The following LGR5 variants were observed in gnomAD, a reference collection of about 807,000 sequenced individuals.
The protein encoded by LGR5 is leucine-rich repeat-containing G protein-coupled receptor 5.
A neutral mutation model predicts 76.7 loss-of-function variants in LGR5; 54 were observed. That is an observed-to-expected ratio of 0.70 (90% CI 0.57 to 0.88). LGR5 has a LOEUF of 0.88. Among genes scored for constraint, LGR5 ranks in the 40% least tolerant of loss-of-function variants. The pLI, the probability that LGR5 is intolerant of heterozygous loss-of-function variation, is 0.00. For missense variants in LGR5, 1,078 were observed against 1,073.3 expected, an observed-to-expected ratio of 1.00 and a Z score of -0.06; for synonymous variants, 406 against 421.9, an observed-to-expected ratio of 0.96 and a Z score of 0.46.
intron 4 of LGR5, among the ~76,000 whole-genome samples, chr12:71,544,872 A>G (rs1476305409): frequency 6.6e-6 from 1 of 152,240 alleles, no homozygotes; most frequent in Non-Finnish European, 1.5e-5. Context: ...AATGAACTAT[A>G]TTGCTGTGGT....
intron 7 of LGR5, among the ~76,000 whole-genome samples, chr12:71,561,563 T>A (rs957620971): frequency 1.3e-5 from 2 of 152,248 alleles, no homozygotes; most frequent in African/African-American, 4.8e-5. Flanking sequence ...GTTATTATTT[T>A]CAGATTCTTT....
rs2137486611 is a variant in LGR5, at chr12:71,584,221, C to T, written c.2211C>T (p.Phe737=). The T allele has an allele frequency of 6.2e-7, 1 of 1,614,134 alleles. No homozygotes were observed. The highest frequency in any genetic ancestry group is 1.3e-5 in the African/African-American group (1 of 75,028). The change falls in exon 18 of 18, where the codon TTC becomes TTT. Residue 737 remains phenylalanine, a synonymous_variant. Coordinates refer to ENST00000266674, the MANE Select transcript of LGR5 (RefSeq NM_003667.4). ...VALILLNSLC[F]LMMTIAYTKL... ...TCATCTTGCTCAATTCCCTTTGCTTCCTCATGATGACCATTGCCTACACCA... is the reference window on the plus strand; with the variant it reads ...TCATCTTGCTCAATTCCCTTTGCTTTCTCATGATGACCATTGCCTACACCA...
At chr12:71,478,033 C>G (rs1162229409) in intron 1 of LGR5, among the ~76,000 whole-genome samples, 2 of 152,012 alleles carry the variant, frequency 1.3e-5, no homozygotes, top group South Asian at 2.1e-4. Flanking sequence ...TTTGAGATAT[C>G]CTCATTTTTT....
chr12:71,443,260 A>G (rs1219917009), intron 1 of LGR5, among the ~76,000 whole-genome samples: 1 of 152,240 alleles, frequency 6.6e-6, no homozygotes, highest in Non-Finnish European at 1.5e-5. Flanking sequence ...ACAGAATGCA[A>G]ACACTATTTA....
intron 1 of LGR5, among the ~76,000 whole-genome samples, chr12:71,485,771 T>C (rs1481044624): frequency 5.3e-5 from 8 of 149,860 alleles, no homozygotes; most frequent in African/African-American, 2.0e-4. Flanking sequence ...CAATTATCTT[T>C]TTTTTTTTTT....
chr12:71,454,537 A>G (rs1228870518), intron 1 of LGR5, among the ~76,000 whole-genome samples: 1 of 152,194 alleles, frequency 6.6e-6, no homozygotes, highest in Admixed American at 6.5e-5. Context: ...AGATGGTAGG[A>G]GGAAAGTGGC....
intron 1 of LGR5, among the ~76,000 whole-genome samples, chr12:71,465,978 T>C (rs1592463990): frequency 6.6e-6 from 1 of 152,208 alleles, no homozygotes; most frequent in African/African-American, 2.4e-5. Flanking sequence ...GCACAATGTC[T>C]AGCACACTGT....
intron 2 of LGR5, among the ~76,000 whole-genome samples, chr12:71,516,162 AT>A (rs987969153): frequency 3.5e-4 from 53 of 151,864 alleles, no homozygotes; most frequent in Middle Eastern, 6.8e-3. Context: ...TGCAAGTGTA[AT>A]TTTTTTTTAA....
intron 11 of LGR5, among the ~76,000 whole-genome samples, chr12:71,569,629 A>C (rs1878510776): frequency 6.6e-6 from 1 of 152,254 alleles, no homozygotes; most frequent in South Asian, 2.1e-4. Context: ...CACCAGTCAG[A>C]ATGGCAATTA....
chr12:71,575,722 A>ATGTGTGTGTGTGTG (rs140264650), intron 13 of LGR5, among the ~76,000 whole-genome samples: 4 of 144,760 alleles, frequency 2.8e-5, no homozygotes, highest in African/African-American at 1.0e-4. Context: ...AAAAATATAT[A>ATGTGTGTGTGTGTG]TGTGTGTGTG....
intron 4 of LGR5, among the ~76,000 whole-genome samples, chr12:71,543,787 G>A (rs1262274219): frequency 1.3e-5 from 2 of 152,166 alleles, no homozygotes; most frequent in African/African-American, 2.4e-5. Flanking sequence ...TAACTAGACA[G>A]TGGAAATGGA....
rs141472970 is a variant in LGR5 at position 71,440,190 on chromosome 12, A to G, written c.110A>G (p.His37Arg). The change falls in exon 1 of 18, where the codon CAC becomes CGC. Residue 37 changes from histidine to arginine, a missense_variant. Coordinates refer to ENST00000266674, the MANE Select transcript of LGR5 (RefSeq NM_003667.4). This position sits in a 1 kb window ranked among gnomAD's most constrained non-coding sequence, Gnocchi z 5.3. ...GTGTTGCTGAGGGGCTGCCCCACAC[A>G]CTGTCATTGCGAGCCCGACGGCAGG... Reference protein sequence around the residue: ...SGVLLRGCPTHCHCEPDGRML... With the variant: ...SGVLLRGCPTRCHCEPDGRML... The G allele has an allele frequency of 5.6e-6, 9 of 1,612,286 alleles. No individual in the cohort carries two copies. The highest frequency in any genetic ancestry group is 3.6e-4 in the Middle Eastern group (2 of 5,502).
At chr12:71,558,434 G>A (rs570945764) in intron 6 of LGR5, among the ~76,000 whole-genome samples, 21 of 152,158 alleles carry the variant, frequency 1.4e-4, no homozygotes, top group Non-Finnish European at 2.4e-4. Context: ...GGCTACAGAG[G>A]ATAAGCAATT....
chr12:71,468,800 A>G (rs1872968314), intron 1 of LGR5, among the ~76,000 whole-genome samples: 1 of 149,732 alleles, frequency 6.7e-6, no homozygotes, highest in Non-Finnish European at 1.5e-5. Context: ...AATTCCTAAA[A>G]CGTGGGGCTC....
At chr12:71,541,661 C>A (rs1876887111) in intron 4 of LGR5, among the ~76,000 whole-genome samples, 1 of 152,172 alleles carries the variant, frequency 6.6e-6, no homozygotes, top group Non-Finnish European at 1.5e-5. Flanking sequence ...CCCATATTTA[C>A]TAAACAGTTT....
intron 13 of LGR5, 131 bp downstream of exon 13, chr12:71,573,052 T>C: frequency 1.6e-6 from 1 of 629,490 alleles, no homozygotes; most frequent in Non-Finnish European, 2.7e-6. Flanking sequence ...CTATGAAACA[T>C]CAAGTATTTT....
At chr12:71,481,024 C>G (rs1015887371) in intron 1 of LGR5, among the ~76,000 whole-genome samples, 3 of 152,134 alleles carry the variant, frequency 2.0e-5, no homozygotes, top group Admixed American at 2.0e-4. Flanking sequence ...CATGGGCAAC[C>G]AGCAACGGCT....
chr12:71,528,835 T>G (rs1212110667), intron 3 of LGR5, among the ~76,000 whole-genome samples: 1 of 152,234 alleles, frequency 6.6e-6, no homozygotes, highest in Non-Finnish European at 1.5e-5. Flanking sequence ...TATTTCTTTG[T>G]CCAATTCAGC....
intron 1 of LGR5, among the ~76,000 whole-genome samples, chr12:71,487,435 G>A (rs959050412): frequency 6.6e-6 from 1 of 152,136 alleles, no homozygotes; most frequent in Non-Finnish European, 1.5e-5. Flanking sequence ...TTTGTTTAGA[G>A]ACAGGGTCTC....
Sources: gnomAD v4.1 joint callset for allele counts (sites outside exome capture counted in the v4.1 genomes callset) on GRCh38, gnomAD v4.1.1 for gene constraint, Gnocchi (gnomAD v3.1) non-coding constraint, MANE v1.5 for transcripts, NCBI Gene and HGNC (gene_info 2026-07-23, HGNC 2026-07-21) for gene names.